KIAA1328: variants seen among roughly 807,000 people sequenced by gnomAD.
KIAA1328 encodes the protein KIAA1328.
In KIAA1328, 52 loss-of-function variants were observed where a neutral mutation model predicts 68.1. That is an observed-to-expected ratio of 0.76 (90% confidence interval 0.61 to 0.96). KIAA1328 has a LOEUF of 0.96. Ranked by LOEUF, KIAA1328 falls within the 40% of genes least tolerant of loss-of-function variation. The pLI is 0.00. For synonymous variants in KIAA1328, 232 were observed against 239.4 expected (o/e 0.97, Z 0.28); for missense variants, 641 against 677.6 (o/e 0.95, Z 0.60).
intron 9 of KIAA1328, among the ~76,000 whole-genome samples, chr18:37,202,452 A>G (rs1003134180): frequency 8.5e-5 from 13 of 152,194 alleles, no homozygotes; most frequent in Non-Finnish European, 1.8e-4. Flanking sequence ...ACAAACTTGT[A>G]TTCAAGAGTA....
intron 6 of KIAA1328, among the ~76,000 whole-genome samples, chr18:37,059,096 T>A (rs2056043917): frequency 3.9e-5 from 6 of 152,026 alleles, no homozygotes. Flanking sequence ...TCACATGCAA[T>A]GTTGATGTGA....
chr18:36,967,528 T>C (rs1365409772), intron 6 of KIAA1328, among the ~76,000 whole-genome samples: 4 of 152,164 alleles, frequency 2.6e-5, no homozygotes, highest in Admixed American at 2.6e-4. Context: ...GCTGTTGCAT[T>C]TATGGTAACT....
At chr18:36,882,613 C>G (rs1386866283) in intron 4 of KIAA1328, among the ~76,000 whole-genome samples, 2 of 152,044 alleles carry the variant, frequency 1.3e-5, no homozygotes, top group Non-Finnish European at 2.9e-5. Context: ...AAAGGATAGT[C>G]AAATCATAGC....
At position 37,139,140 on chromosome 18, in the gene KIAA1328, T is replaced by C. The variant is rs562505718; in HGVS notation, c.1233-21060T>C. Among the ~76,000 whole-genome samples, 8 of 152,080 alleles carry C rather than the reference T, an allele frequency of 5.3e-5. No homozygotes were observed. The South Asian group carries it at 6.2e-4, about 12-fold the overall frequency. On this transcript the variant is annotated intron_variant, in intron 7 of 9. Transcript: ENST00000280020. The stretch of plus-strand genomic sequence containing the variant: ...CCTGGCTAACTTTTATTTTTTTGTA[T>C]TTTTAGTAGAGACGGGGTTTCACCT...
At chr18:37,092,685 C>G (rs181178863) in intron 7 of KIAA1328, among the ~76,000 whole-genome samples, 61 of 152,172 alleles carry the variant, frequency 4.0e-4, no homozygotes, top group Admixed American at 2.6e-3. Flanking sequence ...GGCAAATGTG[C>G]ACATATCCCA....
chr18:37,078,900 A>G (rs1027800360), intron 7 of KIAA1328, among the ~76,000 whole-genome samples: 1 of 151,702 alleles, frequency 6.6e-6, no homozygotes, highest in Non-Finnish European at 1.5e-5. Context: ...AACTAGTTCA[A>G]CCATTGTGGA....
At chr18:36,844,110 A>G in intron 3 of KIAA1328, 98 bp from the exon 4 acceptor site, 1 of 718,186 alleles carries the variant, frequency 1.4e-6, no homozygotes, top group Non-Finnish European at 2.3e-6. Flanking sequence ...TGCACCAGAG[A>G]AAAGATATCT....
At chr18:36,939,768 G>C (rs1339737380) in intron 5 of KIAA1328, among the ~76,000 whole-genome samples, 1 of 152,002 alleles carries the variant, frequency 6.6e-6, no homozygotes, top group African/African-American at 2.4e-5. Flanking sequence ...CATGTTTTCT[G>C]TGCCTAATTT....
chr18:37,158,949 T>C (rs192334292), intron 7 of KIAA1328, among the ~76,000 whole-genome samples: 333 of 152,272 alleles, frequency 2.2e-3, no homozygotes, highest in African/African-American at 7.6e-3. Context: ...AAGGTACTTT[T>C]ATTTTCCGTA....
chr18:37,109,417 G>C (rs902219390), intron 7 of KIAA1328, among the ~76,000 whole-genome samples: 1 of 152,058 alleles, frequency 6.6e-6, no homozygotes, highest in Non-Finnish European at 1.5e-5. Context: ...TAGCTTTTTT[G>C]TATGTAATAA....
chr18:37,031,492 T>C lies in KIAA1328; in HGVS notation c.577-35398T>C, dbSNP rs184657364. ...TATTAATATAGCCACTTCAGCTTTT[T>C]TATAATTAGTATTTGTGGAATATGT... On this transcript the variant is annotated intron_variant, in intron 6 of 9. Transcript: ENST00000280020. Among the ~76,000 whole-genome samples, 688 of 152,332 alleles carry C rather than the reference T, an allele frequency of 4.5e-3. 4 individuals are homozygous for C. Among genetic ancestry groups the C allele is most frequent in the Non-Finnish European group, 6.7e-3 (458 of 68,030 alleles).
intron 6 of KIAA1328, among the ~76,000 whole-genome samples, chr18:36,990,938 A>G (rs1266937460): frequency 6.6e-6 from 1 of 152,164 alleles, no homozygotes; most frequent in South Asian, 2.1e-4. Flanking sequence ...CTTGCCCTCA[A>G]TTGAGATAGC....
At chr18:37,085,727 C>T (rs1032966676) in intron 7 of KIAA1328, among the ~76,000 whole-genome samples, 1 of 152,088 alleles carries the variant, frequency 6.6e-6, no homozygotes. Context: ...TGATTTAGCT[C>T]TCACTGATAA....
intron 5 of KIAA1328, among the ~76,000 whole-genome samples, chr18:36,954,166 C>A (rs1391969625): frequency 6.6e-6 from 1 of 151,812 alleles, no homozygotes; most frequent in Non-Finnish European, 1.5e-5. Context: ...CCGCGCCCGG[C>A]TAATTTTTTG....
At chr18:36,955,070 G>A (rs149277856) in intron 5 of KIAA1328, among the ~76,000 whole-genome samples, 1 of 151,394 alleles carries the variant, frequency 6.6e-6, no homozygotes, top group East Asian at 1.9e-4. Flanking sequence ...ATTAATTAGA[G>A]TAATTATTTA....
At chr18:36,836,833 A>G (rs959660449) in intron 3 of KIAA1328, among the ~76,000 whole-genome samples, 2 of 152,104 alleles carry the variant, frequency 1.3e-5, no homozygotes, top group African/African-American at 4.8e-5. Flanking sequence ...ATCTGCTTTC[A>G]GTCTCTATAG....
At chr18:37,202,799 G>A (rs1191247989) in intron 9 of KIAA1328, among the ~76,000 whole-genome samples, 1 of 152,076 alleles carries the variant, frequency 6.6e-6, no homozygotes, top group East Asian at 1.9e-4. Flanking sequence ...TTGACAATGT[G>A]TCTTGCATGA....
intron 7 of KIAA1328, among the ~76,000 whole-genome samples, chr18:37,142,685 A>G (rs2058795185): frequency 6.6e-6 from 1 of 152,158 alleles, no homozygotes; most frequent in African/African-American, 2.4e-5. Context: ...CTGTATGTCC[A>G]TTCTTATATC....
At chr18:37,153,492 A>G (rs1211679420) in intron 7 of KIAA1328, among the ~76,000 whole-genome samples, 1 of 152,156 alleles carries the variant, frequency 6.6e-6, no homozygotes, top group Non-Finnish European at 1.5e-5. Context: ...TGAAGATATT[A>G]GTATAAACTC....
Sources: allele counts gnomAD v4.1 joint callset (sites outside exome capture counted in the v4.1 genomes callset), GRCh38; gene constraint gnomAD v4.1.1; transcripts MANE v1.5; gene names NCBI Gene and HGNC (gene_info 2026-07-23, HGNC 2026-07-21).